The following AAK1 variants were observed in gnomAD, a reference collection of about 807,000 sequenced individuals.
The protein encoded by AAK1 is AP2 associated kinase 1, also known as AP2-associated protein kinase 1.
Under a neutral mutation model 116.0 loss-of-function variants are expected in AAK1, and 37 were observed. The observed-to-expected ratio is 0.32, with a 90% CI of 0.25 to 0.42. The LOEUF (loss-of-function observed/expected upper bound fraction) is 0.42. Among genes scored for constraint, AAK1 ranks in the 10% least tolerant of loss-of-function variants. AAK1 has a pLI of 1.00. For missense variants in AAK1, 919 were observed against 1,170.6 expected (o/e 0.79, Z 3.14); for synonymous variants, 458 against 439.9 (o/e 1.04, Z -0.51).
intron 3 of AAK1, among the ~76,000 whole-genome samples, chr2:69,550,172 A>G (rs1423707882): frequency 6.6e-6 from 1 of 152,204 alleles, no homozygotes. Flanking sequence ...GATCTACTGC[A>G]CCGCACTGAG....
At chr2:69,643,324 A>T in intron 1 of AAK1, 50 bp from the exon 2 acceptor site, 1 of 1,329,832 alleles carries the variant, frequency 7.5e-7, no homozygotes, top group Non-Finnish European at 9.6e-7. Context: ...CACGCTTAAA[A>T]ATTCAACCGC....
At chr2:69,623,209 G>T (rs950493912) in intron 2 of AAK1, among the ~76,000 whole-genome samples, 2 of 152,038 alleles carry the variant, frequency 1.3e-5, no homozygotes, top group East Asian at 3.8e-4. Flanking sequence ...GAACACATCC[G>T]AACATCAGAA....
chr2:69,500,698 T>TATATATATATATACAC, intron 16 of AAK1, among the ~76,000 whole-genome samples: 81 of 65,058 alleles, frequency 1.2e-3, no homozygotes, highest in African/African-American at 2.1e-3. Context: ...TATATATATA[T>TATATATATATATACAC]ACACACACAC....
chr2:69,567,285 T>C lies in AAK1; in HGVS notation c.164-10307A>G, dbSNP rs910464799. On this transcript the variant is annotated intron_variant, in intron 2 of 21. Coordinates refer to ENST00000409085, the MANE Select transcript of AAK1 (RefSeq NM_014911.5). The stretch of plus-strand genomic sequence containing the variant: ...TACTTCCTTGCTAAGCCTTTCCTGA[T>C]GGTCCCTGGCCCTCACTCCCATATG... Among the ~76,000 whole-genome samples the C allele has an allele frequency of 2.0e-5, 3 of 152,264 alleles. No homozygotes were observed. In the East Asian group the frequency reaches 5.8e-4, roughly 29 times the overall value.
chr2:69,561,044 A>G (rs778432242), intron 2 of AAK1, among the ~76,000 whole-genome samples: 15 of 152,176 alleles, frequency 9.9e-5, no homozygotes, highest in Admixed American at 4.6e-4. Context: ...TGAGCTAGAA[A>G]CCCAAAATTG....
chr2:69,617,241 T>C (rs1279843691), intron 2 of AAK1, among the ~76,000 whole-genome samples: 4 of 152,178 alleles, frequency 2.6e-5, no homozygotes, highest in African/African-American at 4.8e-5. Flanking sequence ...CTAGAAGATA[T>C]AAGTGAATTT....
Position 69,472,430 on chromosome 2 carries a change from A to G in AAK1, c.*3439T>C, listed in dbSNP as rs1439450128. The G allele has an allele frequency of 6.6e-6, 2 of 304,460 alleles. No homozygotes were observed. Among genetic ancestry groups the G allele is most frequent in the South Asian group, 1.3e-4 (1 of 7,714 alleles). The allele number at this position is 304,460 out of a possible 1,614,324, so 18.9% of individuals were successfully genotyped here. ...TATTTCTAAGGAGAGGAGTTTCAAA[A>G]ATAACTTTAAGGATGGCAGCATCAT... is the stretch of plus-strand genomic sequence containing the variant. On this transcript the variant is annotated 3_prime_UTR_variant, in exon 22 of 22. Transcript: ENST00000409085.
chr2:69,633,599 C>CAAA (rs3075922), intron 2 of AAK1, among the ~76,000 whole-genome samples: 1 of 114,242 alleles, frequency 8.8e-6, no homozygotes, highest in Non-Finnish European at 2.0e-5. Context: ...GACGCTGTCT[C>CAAA]AAAAAAAAAA....
chr2:69,566,062 G>A (rs1013622730), intron 2 of AAK1, among the ~76,000 whole-genome samples: 2 of 151,862 alleles, frequency 1.3e-5, no homozygotes, highest in Non-Finnish European at 2.9e-5. Context: ...GAACCTGGGT[G>A]CACTATTCAA....
intron 10 of AAK1, among the ~76,000 whole-genome samples, chr2:69,524,280 T>C (rs1669920444): frequency 1.3e-5 from 2 of 152,172 alleles, no homozygotes; most frequent in Non-Finnish European, 2.9e-5. Flanking sequence ...TCTCACTGTA[T>C]TGCCCAGGCT....
chr2:69,614,607 G>C (rs1052850167), intron 2 of AAK1, among the ~76,000 whole-genome samples: 7 of 152,152 alleles, frequency 4.6e-5, no homozygotes, highest in African/African-American at 1.4e-4. Flanking sequence ...TCACCACTCT[G>C]GTAGGTTGAA....
At position 69,643,224 on chromosome 2, in the gene AAK1, C is replaced by T. The variant is rs1675828388; in HGVS notation, c.-184G>A. The T allele has an allele frequency of 1.4e-6, 2 of 1,409,196 alleles. No individual in the cohort carries two copies. Among genetic ancestry groups the T allele is most frequent in the Non-Finnish European group, 1.8e-6 (2 of 1,089,278 alleles). The allele number at this position is 1,409,196 out of a possible 1,614,324, so 87.3% of individuals were successfully genotyped here. A position where few individuals can be genotyped will look rare whatever the true frequency, so the allele number is the denominator to read the frequency against. ...TGCCTATAGGAATATGCGTGTCAAT[C>T]GCGCAGCGGGTCCCCTCCTCCTCCA... On this transcript the variant is annotated 5_prime_UTR_variant, in exon 2 of 22. Transcript: ENST00000409085.
At chr2:69,510,253 TGA>T (rs1676343441) in intron 13 of AAK1, among the ~76,000 whole-genome samples, 1 of 152,218 alleles carries the variant, frequency 6.6e-6, no homozygotes, top group African/African-American at 2.4e-5. Context: ...TTTGCGTCCA[TGA>T]GTTCTCATCA....
chr2:69,594,708 T>G (rs1673185343), intron 2 of AAK1: 2 of 674,132 alleles, frequency 3.0e-6, no homozygotes, highest in Non-Finnish European at 5.2e-6. Context: ...ACTCAAGGTT[T>G]TATTGTCTTC....
chr2:69,550,085 C>A (rs2105069393), intron 3 of AAK1, among the ~76,000 whole-genome samples: 1 of 152,300 alleles, frequency 6.6e-6, no homozygotes, highest in South Asian at 2.1e-4. Flanking sequence ...AGCAATCCAG[C>A]CTAGACTCTT....
intron 8 of AAK1, among the ~76,000 whole-genome samples, chr2:69,527,895 G>GA (rs1203033042): frequency 6.6e-6 from 1 of 151,998 alleles, no homozygotes; most frequent in Non-Finnish European, 1.5e-5. Context: ...TCCTCAGGGG[G>GA]AAAAAAAATT....
intron 2 of AAK1, among the ~76,000 whole-genome samples, chr2:69,640,539 T>C (rs902804592): frequency 6.6e-6 from 1 of 152,242 alleles, no homozygotes. Context: ...TAAAGGCAGA[T>C]GTCAATCACA....
Position 69,466,155 on chromosome 2 carries a change from T to G in AAK1, c.*9714A>C. The G allele has an allele frequency of 7.8e-7, 1 of 1,290,318 alleles. No homozygotes were observed. The highest frequency in any genetic ancestry group is 1.0e-6 in the Non-Finnish European group (1 of 988,884). The allele number at this position is 1,290,318 out of a possible 1,614,324, so 79.9% of individuals were successfully genotyped here. On this transcript the variant is annotated 3_prime_UTR_variant, in exon 22 of 22. Transcript: ENST00000409085. ...CTCACTGAGCCCATCAGTGGCTGGC[T>G]GTGTGAAGGCTTGAAACTGGTTCTT...
intron 17 of AAK1, among the ~76,000 whole-genome samples, chr2:69,483,403 A>T (rs1358245592): frequency 6.6e-6 from 1 of 152,214 alleles, no homozygotes; most frequent in Non-Finnish European, 1.5e-5. Flanking sequence ...GCAAGTATCA[A>T]TAGTTTGCTC....
Sources: allele counts gnomAD v4.1 joint callset (sites outside exome capture counted in the v4.1 genomes callset), GRCh38; gene constraint gnomAD v4.1.1; transcripts MANE v1.5; gene names NCBI Gene and HGNC (gene_info 2026-07-23, HGNC 2026-07-21).